The following SMC2 variants were observed in gnomAD, a reference collection of about 807,000 sequenced individuals.
SMC2 encodes the protein structural maintenance of chromosomes protein 2.
Under a neutral mutation model 142.6 loss-of-function variants are expected in SMC2, and 41 were observed. The observed-to-expected ratio is 0.29, with a 90% CI of 0.22 to 0.37. The LOEUF (loss-of-function observed/expected upper bound fraction) is 0.37. Among genes scored for constraint, SMC2 ranks in the 10% least tolerant of loss-of-function variants. The pLI is 1.00. For synonymous variants in SMC2, 463 were observed against 457.5 expected, an observed-to-expected ratio of 1.01 and a Z score of -0.15; for missense variants, 1,265 against 1,373.7, an observed-to-expected ratio of 0.92 and a Z score of 1.25.
chr9:104,091,008 T>G (rs1002036584), upstream of SMC2, among the ~76,000 whole-genome samples: 1 of 152,242 alleles, frequency 6.6e-6, no homozygotes, highest in Non-Finnish European at 1.5e-5. Context: ...CCAGTCCCAC[T>G]GGGTGAATGA....
At chr9:104,122,196 A>G (rs899437300) in intron 16 of SMC2, among the ~76,000 whole-genome samples, 2 of 152,326 alleles carry the variant, frequency 1.3e-5, no homozygotes, top group Middle Eastern at 3.4e-3. Context: ...TTTGTTCAGT[A>G]GTATTGGATC....
chr9:104,117,919 C>T (rs1414791998), intron 14 of SMC2, among the ~76,000 whole-genome samples: 1 of 152,148 alleles, frequency 6.6e-6, no homozygotes, highest in Non-Finnish European at 1.5e-5. Context: ...TTGATAGAAA[C>T]TTTCATAATG....
intron 13 of SMC2, among the ~76,000 whole-genome samples, chr9:104,115,287 C>T (rs1832961028): frequency 6.6e-6 from 1 of 150,804 alleles, no homozygotes; most frequent in Non-Finnish European, 1.5e-5. Flanking sequence ...TTAAAATGTA[C>T]AAGAAGCCTG....
rs528220613 is a variant in SMC2 at position 104,140,310 on chromosome 9, A to G, written c.*995A>G. Reference sequence around the variant, plus strand: ...CCGCTTTCCAGTTCAAAGGGATGAAATTCCTTTAGAACTTGAAAGATGACA... The same window carrying G: ...CCGCTTTCCAGTTCAAAGGGATGAAGTTCCTTTAGAACTTGAAAGATGACA... On this transcript the variant is annotated 3_prime_UTR_variant, in exon 25 of 25. Coordinates refer to ENST00000374793, the MANE Select transcript of SMC2 (RefSeq NM_006444.3). The G allele has an allele frequency of 8.5e-5, 13 of 152,214 alleles. No individual in the cohort carries two copies. In the South Asian group the frequency reaches 1.0e-3, roughly 12 times the overall value. 9.4% of individuals were successfully genotyped at this position (152,214 alleles called of 1,614,324 possible).
rs775376014 is a variant in SMC2, at chr9:104,126,622, A to C, written c.2452-19A>C. ...AGTTAATAACCTATATGAATACCTG[A>C]ATACTGTATTTTTTATAGGAAGTTG... On this transcript the variant is annotated intron_variant, in intron 18 of 24. Coordinates refer to ENST00000374793, the MANE Select transcript of SMC2 (RefSeq NM_006444.3). The C allele has an allele frequency of 1.0e-5, 16 of 1,591,340 alleles. No individual in the cohort carries two copies. The highest frequency in any genetic ancestry group is 1.3e-5 in the Non-Finnish European group (15 of 1,170,280).
In SMC2 at chr9:104,130,922, T is replaced by C. The variant is rs192069621; in HGVS notation, c.2991+1077T>C. Reference sequence around the variant, plus strand: ...TTGATCAGCAGATGGCCTTTTTTTTTCTTGTGTTTTGTATCTATCTACATA... The same window carrying C: ...TTGATCAGCAGATGGCCTTTTTTTTCCTTGTGTTTTGTATCTATCTACATA... On this transcript the variant is annotated intron_variant, in intron 21 of 24. Coordinates refer to ENST00000374793, the MANE Select transcript of SMC2 (RefSeq NM_006444.3). 3.5e-3 allele frequency among the ~76,000 whole-genome samples: 528 copies of C among 152,246 alleles called. 4 individuals are homozygous for C. Among genetic ancestry groups the C allele is most frequent in the African/African-American group, 0.012 (508 of 41,554 alleles).
intron 9 of SMC2, 137 bp downstream of exon 9, chr9:104,102,710 C>A (rs1235869644): frequency 1.1e-5 from 9 of 845,238 alleles, no homozygotes; most frequent in African/African-American, 8.8e-5. Flanking sequence ...GTGGTTACAA[C>A]TGGACCAAAT....
upstream of SMC2, among the ~76,000 whole-genome samples, chr9:104,091,295 T>C (rs755456235): frequency 6.6e-6 from 1 of 152,264 alleles, no homozygotes; most frequent in Non-Finnish European, 1.5e-5. Context: ...AGCATATTAC[T>C]GTACTGAATA....
chr9:104,101,861 A>G, intron 7 of SMC2, 99 bp from the exon 8 acceptor site: 1 of 716,420 alleles, frequency 1.4e-6, no homozygotes, highest in East Asian at 2.6e-5. Flanking sequence ...ATACAGGACA[A>G]AATCTATTAT....
intron 15 of SMC2, 64 bp downstream of exon 15, chr9:104,118,439 G>A: frequency 7.1e-7 from 1 of 1,403,956 alleles, no homozygotes; most frequent in Non-Finnish European, 9.9e-7. Flanking sequence ...CCTTTTTTAA[G>A]TACATTTTTA....
At position 104,129,363 on chromosome 9, in the gene SMC2, G is replaced by A. The variant is rs553437674; in HGVS notation, c.2791-282G>A. Reference sequence around the variant, plus strand: ...ACTAAAAATACAAAATTAGCTGGGCGTGGTGGTACATACCTGTGATCCCAG... The same window carrying A: ...ACTAAAAATACAAAATTAGCTGGGCATGGTGGTACATACCTGTGATCCCAG... On this transcript the variant is annotated intron_variant, in intron 20 of 24. Coordinates refer to ENST00000374793, the MANE Select transcript of SMC2 (RefSeq NM_006444.3). Among the ~76,000 whole-genome samples, 12 of 152,152 alleles carry A rather than the reference G, an allele frequency of 7.9e-5. No homozygotes were observed. The South Asian group carries it at 1.0e-3, about 13-fold the overall frequency.
chr9:104,138,466 A>G (rs999583451), intron 24 of SMC2, among the ~76,000 whole-genome samples: 33 of 152,192 alleles, frequency 2.2e-4, no homozygotes, highest in Admixed American at 2.2e-3. Context: ...AACTACCATA[A>G]AGATGTACAA....
chr9:104,103,808 T>C (rs919920286), intron 9 of SMC2, among the ~76,000 whole-genome samples: 2 of 152,364 alleles, frequency 1.3e-5, no homozygotes, highest in African/African-American at 4.8e-5. Flanking sequence ...AAATACATTG[T>C]TGAATTAAGA....
At chr9:104,129,498 A>C (rs1834697804) in intron 20 of SMC2, 147 bp from the exon 21 acceptor site, 1 of 656,198 alleles carries the variant, frequency 1.5e-6, no homozygotes, top group African/African-American at 1.9e-5. Context: ...GTGAAACTCC[A>C]TCTCAAAAAA....
Position 104,096,148 on chromosome 9 carries a change from G to T in SMC2, c.169G>T (p.Val57Phe). ...TTACACTTTTCATATTTTATTTTAG[G>T]TTCGGGCTTCTAATTTACAAGATTT... ...FLLGISNLSQ[V>F]RASNLQDLVY... Residue 57 changes from valine (V) to phenylalanine (F), a missense_variant and splice_region_variant, in exon 3 of 25, where the codon GTT becomes TTT. This residue lies in a region of SMC2 where 168 missense variants were observed against 184.8 expected (regional missense o/e 0.91). Coordinates refer to ENST00000374793, the MANE Select transcript of SMC2 (RefSeq NM_006444.3). 1.2e-6 allele frequency: 2 copies of T among 1,611,626 alleles called. No individual in the cohort carries two copies. The highest frequency in any genetic ancestry group is 8.5e-7 in the Non-Finnish European group (1 of 1,179,180).
At chr9:104,132,299 AC>A (rs1334421648) in intron 22 of SMC2, among the ~76,000 whole-genome samples, 174 bp downstream of exon 22, 1 of 152,170 alleles carries the variant, frequency 6.6e-6, no homozygotes, top group African/African-American at 2.4e-5. Context: ...GAACTTGACT[AC>A]TACCAGATCC....
In SMC2 at chr9:104,106,751, G is replaced by T. The variant is rs1382167304; in HGVS notation, c.1020+4178G>T. Among the ~76,000 whole-genome samples, 5 of 152,134 alleles carry T rather than the reference G, an allele frequency of 3.3e-5. No homozygotes were observed. In the South Asian group the frequency reaches 1.0e-3, roughly 32 times the overall value. ...TAAGTTGCCCTTCTCTTGACCAGAT[G>T]ACTAGGCTGTTGGCAATAGCCTATG... On this transcript the variant is annotated intron_variant, in intron 9 of 24. Transcript: ENST00000374793.
upstream of SMC2, chr9:104,091,979 A>G (rs1406984072): frequency 6.6e-6 from 1 of 152,218 alleles, no homozygotes. Context: ...TGATGAAGCA[A>G]GAACAGTGTT....
intron 2 of SMC2, 92 bp downstream of exon 2, chr9:104,095,644 T>C: frequency 1.0e-6 from 1 of 989,814 alleles, no homozygotes; most frequent in South Asian, 1.6e-5. Flanking sequence ...TCTTCATTTG[T>C]GTTTTTATAC....
Sources: gnomAD v4.1 joint callset for allele counts (sites outside exome capture counted in the v4.1 genomes callset) on GRCh38, gnomAD v4.1.1 for gene constraint, gnomAD v4.1.1 regional missense constraint, MANE v1.5 for transcripts, NCBI Gene and HGNC (gene_info 2026-07-23, HGNC 2026-07-21) for gene names.